FAM124A: variants seen among roughly 807,000 people sequenced by gnomAD.
FAM124A encodes the protein protein FAM124A.
A neutral mutation model predicts 24.5 loss-of-function variants in FAM124A; 23 were observed. The observed-to-expected ratio is 0.94, with a 90% CI of 0.68 to 1.33. FAM124A has a LOEUF of 1.33. FAM124A is among the 40% of genes most tolerant of loss of function. FAM124A has a pLI of 0.00. For missense variants in FAM124A, 623 were observed against 722.8 expected, an observed-to-expected ratio of 0.86 and a Z score of 1.58; for synonymous variants, 287 against 314.7, an observed-to-expected ratio of 0.91 and a Z score of 0.93.
chr13:51,280,704 G>C lies in FAM124A; in HGVS notation c.1089G>C (p.Leu363Phe). Residue 363 changes from leucine (L) to phenylalanine (F), a missense_variant, in exon 4 of 4, where the codon TTG (leucine) becomes TTC (phenylalanine). By Grantham distance (22) the Leu-to-Phe change is conservative. Coordinates refer to ENST00000322475, the MANE Select transcript of FAM124A (RefSeq NM_001242312.2). Reference sequence around the variant, plus strand: ...GGTCTTTCCAGAGAAGCAAGTCCTTGTTTTGTTTGCCCACGGGAGGCCCCT... The same window carrying C: ...GGTCTTTCCAGAGAAGCAAGTCCTTCTTTTGTTTGCCCACGGGAGGCCCCT... Reference protein sequence around the residue: ...PPWSFQRSKSLFCLPTGGPSL... With the variant: ...PPWSFQRSKSFFCLPTGGPSL... 6.2e-7 allele frequency: 1 copy of C among 1,614,156 alleles called. No homozygotes were observed. The highest frequency in any genetic ancestry group is 8.5e-7 in the Non-Finnish European group (1 of 1,180,036).
chr13:51,230,363 A>G (rs1254706403), intron 1 of FAM124A, among the ~76,000 whole-genome samples: 1 of 152,206 alleles, frequency 6.6e-6, no homozygotes, highest in African/African-American at 2.4e-5. Flanking sequence ...AGTTCAATGG[A>G]GTGAAAATTG....
rs116369795 is a variant in FAM124A, at chr13:51,223,684, C to T, written c.68+1115C>T. ...GGACTTTACTCCCTAGGGCATTCAC[C>T]CAGCAATGGGCTTTCTCTGTTATCC... On this transcript the variant is annotated intron_variant, in intron 1 of 3. Transcript: ENST00000322475. Among the ~76,000 whole-genome samples the T allele has an allele frequency of 5.1e-3, 774 of 152,314 alleles. 4 individuals carry two copies. The highest frequency in any genetic ancestry group is 0.018 in the African/African-American group (736 of 41,568).
At chr13:51,232,121 A>G (rs1192812813) in intron 2 of FAM124A, among the ~76,000 whole-genome samples, 3 of 152,206 alleles carry the variant, frequency 2.0e-5, no homozygotes, top group East Asian at 1.9e-4. Context: ...TGGTTATTAT[A>G]TGCAGCAGAA....
chr13:51,225,719 G>A (rs530017420), intron 1 of FAM124A, among the ~76,000 whole-genome samples: 1 of 152,140 alleles, frequency 6.6e-6, no homozygotes, highest in Non-Finnish European at 1.5e-5. Flanking sequence ...ATTTCACAGC[G>A]GGGTGGTGGA....
At chr13:51,246,373 C>T (rs1488800927) in intron 2 of FAM124A, among the ~76,000 whole-genome samples, 1 of 145,506 alleles carries the variant, frequency 6.9e-6, no homozygotes, top group Non-Finnish European at 1.5e-5. Context: ...GGTTTCCTAT[C>T]CAGCTCCACA....
chr13:51,281,031 C>T lies in FAM124A; in HGVS notation c.1416C>T (p.Thr472=). The T allele has an allele frequency of 1.2e-6, 2 of 1,614,136 alleles. No homozygotes were observed. Among genetic ancestry groups the T allele is most frequent in the Non-Finnish European group, 8.5e-7 (1 of 1,180,010 alleles). ...CACTGCCCACTGTCAGCAGGGTGAC[C>T]ACAGAGGCCTCCTGGGCTTCCCTCC... is the stretch of plus-strand genomic sequence containing the variant. The part of the protein sequence containing the change: ...EGPLPTVSRV[T]TEASWASLPF... Residue 472 remains threonine (T), a synonymous_variant, in exon 4 of 4, where the codon ACC becomes ACT. Coordinates refer to ENST00000322475, the MANE Select transcript of FAM124A (RefSeq NM_001242312.2).
chr13:51,224,277 T>A (rs1954294096), intron 1 of FAM124A, among the ~76,000 whole-genome samples: 2 of 152,250 alleles, frequency 1.3e-5, no homozygotes, highest in Middle Eastern at 3.2e-3. Context: ...GAGACCAGCC[T>A]GGCCAACATG....
At chr13:51,273,161 G>T (rs951464707) in intron 3 of FAM124A, among the ~76,000 whole-genome samples, 1 of 152,140 alleles carries the variant, frequency 6.6e-6, no homozygotes, top group African/African-American at 2.4e-5. Context: ...CAAAAGTTTA[G>T]CAGCAACTCT....
intron 1 of FAM124A, among the ~76,000 whole-genome samples, chr13:51,224,350 A>G (rs959239999): frequency 1.3e-5 from 2 of 152,236 alleles, no homozygotes; most frequent in Admixed American, 6.5e-5. Flanking sequence ...GCATGCCTGT[A>G]ATCCCAGCTA....
Position 51,267,678 on chromosome 13 carries a change from T to G in FAM124A, c.835-12772T>G, listed in dbSNP as rs78898037. On this transcript the variant is annotated intron_variant, in intron 3 of 3. Coordinates refer to ENST00000322475, the MANE Select transcript of FAM124A (RefSeq NM_001242312.2). ...GCAAATGAGAAATGTAATCTAGCTG[T>G]TTTAAGAGAACCAGCTACTACTGAA... 1.5e-3 allele frequency among the ~76,000 whole-genome samples: 230 copies of G among 152,274 alleles called. 1 individual carries two copies. Among genetic ancestry groups the G allele is most frequent in the African/African-American group, 5.1e-3 (213 of 41,550 alleles).
intron 3 of FAM124A, among the ~76,000 whole-genome samples, chr13:51,275,741 G>A (rs774296806): frequency 5.9e-5 from 9 of 152,208 alleles, no homozygotes; most frequent in Non-Finnish European, 1.2e-4. Context: ...TGGTGAGGAC[G>A]TGGAGCAACT....
At chr13:51,223,423 G>A (rs1954282972) in intron 1 of FAM124A, among the ~76,000 whole-genome samples, 1 of 152,140 alleles carries the variant, frequency 6.6e-6, no homozygotes, top group African/African-American at 2.4e-5. Flanking sequence ...ACTGACCCAG[G>A]AGGAAAGGGT....
intron 3 of FAM124A, among the ~76,000 whole-genome samples, chr13:51,254,104 G>C (rs1022854): frequency 1.5e-3 from 228 of 152,162 alleles, no homozygotes; most frequent in Non-Finnish European, 2.3e-3. Context: ...TTAGGTCTTG[G>C]GGGGAGGAGC....
At chr13:51,256,712 AT>A (rs1352414662) in intron 3 of FAM124A, among the ~76,000 whole-genome samples, 1 of 152,200 alleles carries the variant, frequency 6.6e-6, no homozygotes, top group Non-Finnish European at 1.5e-5. Context: ...AAAATTTACC[AT>A]TTTAGCCATT....
At chr13:51,256,837 C>A (rs1448515569) in intron 3 of FAM124A, among the ~76,000 whole-genome samples, 1 of 152,206 alleles carries the variant, frequency 6.6e-6, no homozygotes, top group Non-Finnish European at 1.5e-5. Context: ...CCACTGATCA[C>A]TTCCCATCCC....
intron 3 of FAM124A, among the ~76,000 whole-genome samples, chr13:51,263,675 T>C (rs1954758601): frequency 6.6e-6 from 1 of 152,250 alleles, no homozygotes; most frequent in South Asian, 2.1e-4. Flanking sequence ...GTGTTTCTGC[T>C]TATTGGGAAT....
intron 2 of FAM124A, among the ~76,000 whole-genome samples, chr13:51,247,445 TA>T (rs1954575621): frequency 6.6e-6 from 1 of 152,198 alleles, no homozygotes; most frequent in Non-Finnish European, 1.5e-5. Context: ...TTGTAAGGAT[TA>T]AATGAGTTCA....
chr13:51,245,300 TTTA>T (rs1229997937), intron 2 of FAM124A: 1 of 653,882 alleles, frequency 1.5e-6, no homozygotes, highest in African/African-American at 1.8e-5. Context: ...ACTTTAATCT[TTTA>T]TTATGCAGAT....
chr13:51,268,032 TTGAG>T (rs1193493199), intron 3 of FAM124A, among the ~76,000 whole-genome samples: 1 of 152,174 alleles, frequency 6.6e-6, no homozygotes, highest in Non-Finnish European at 1.5e-5. Flanking sequence ...CCATCCTGCC[TTGAG>T]TGAGAGGAAG....
Sources: gnomAD v4.1 joint callset for allele counts (sites outside exome capture counted in the v4.1 genomes callset) on GRCh38, gnomAD v4.1.1 for gene constraint, MANE v1.5 for transcripts, NCBI Gene and HGNC (gene_info 2026-07-23, HGNC 2026-07-21) for gene names.